Variants in HMGA2 observed in about 807,000 individuals in gnomAD.
The protein encoded by HMGA2 is high mobility group protein HMGI-C.
Under a neutral mutation model 19.1 loss-of-function variants are expected in HMGA2, and 8 were observed. That is an observed-to-expected ratio of 0.42 (90% CI 0.25 to 0.76). The LOEUF is 0.76. Ranked by LOEUF, HMGA2 falls within the 30% of genes least tolerant of loss-of-function variation. The pLI is 0.28. For synonymous variants in HMGA2, 60 were observed against 48.8 expected, an observed-to-expected ratio of 1.23 and a Z score of -0.96; for missense variants, 109 against 136.3, an observed-to-expected ratio of 0.80 and a Z score of 1.00.
chr12:65,935,213 C>A (rs1875850411), intron 3 of HMGA2: 1 of 152,184 alleles, frequency 6.6e-6, no homozygotes. Context: ...TGATGTCAAA[C>A]AATAGGTTGA....
intron 3 of HMGA2, among the ~76,000 whole-genome samples, chr12:65,875,715 G>A (rs185337348): frequency 6.7e-6 from 1 of 148,450 alleles, no homozygotes; most frequent in African/African-American, 2.5e-5. Flanking sequence ...CCTTCCAAGG[G>A]GCTGGGATTA....
intron 3 of HMGA2, among the ~76,000 whole-genome samples, chr12:65,899,198 G>A (rs1279619880): frequency 6.6e-6 from 1 of 152,046 alleles, no homozygotes; most frequent in African/African-American, 2.4e-5. Flanking sequence ...TTTATAACTC[G>A]TGCTTCCGAA....
chr12:65,878,256 A>G (rs186739565), intron 3 of HMGA2, among the ~76,000 whole-genome samples: 8 of 152,344 alleles, frequency 5.3e-5, no homozygotes, highest in East Asian at 3.9e-4. Context: ...GTTATAACAT[A>G]CTTGACTTTC....
intron 3 of HMGA2, among the ~76,000 whole-genome samples, chr12:65,875,599 T>TTTTTTTTTTTTTTTTA: frequency 1.5e-5 from 1 of 66,838 alleles, no homozygotes; most frequent in Non-Finnish European, 2.6e-5. Flanking sequence ...ATTTTTTTTT[T>TTTTTTTTTTTTTTTTA]TTTTTTTTTT....
At chr12:65,883,179 AAAG>A (rs1873509656) in intron 3 of HMGA2, among the ~76,000 whole-genome samples, 1 of 152,248 alleles carries the variant, frequency 6.6e-6, no homozygotes, top group Non-Finnish European at 1.5e-5. Context: ...TCTAGGGGTG[AAAG>A]AAGAGGAAAG....
chr12:65,938,839 C>CT (rs1046266322), intron 3 of HMGA2, among the ~76,000 whole-genome samples: 1 of 151,708 alleles, frequency 6.6e-6, no homozygotes, highest in African/African-American at 2.4e-5. Context: ...GATTTTTGTA[C>CT]TTTTTTTTAG....
Position 65,885,520 on chromosome 12 carries a change from A to G in HMGA2, c.249+46951A>G, listed in dbSNP as rs546857717. Reference sequence around the variant, plus strand: ...CATTTGGCAAACCCGGTGATTTGCCACATGAGCCAATGTGTGTCTCATTTG... The same window carrying G: ...CATTTGGCAAACCCGGTGATTTGCCGCATGAGCCAATGTGTGTCTCATTTG... On this transcript the variant is annotated intron_variant, in intron 3 of 4. Transcript: ENST00000403681. Among the ~76,000 whole-genome samples, 4 of 152,346 alleles carry G rather than the reference A, an allele frequency of 2.6e-5. No individual in the cohort carries two copies. The East Asian group carries it at 7.7e-4, about 29-fold the overall frequency.
chr12:65,958,244 G>T (rs572824493), intron 4 of HMGA2: 1 of 152,248 alleles, frequency 6.6e-6, no homozygotes, highest in Non-Finnish European at 1.5e-5. Context: ...ACAATTCTAT[G>T]TTTTTATATA....
At chr12:65,889,894 A>C (rs1186810019) in intron 3 of HMGA2, among the ~76,000 whole-genome samples, 2 of 152,092 alleles carry the variant, frequency 1.3e-5, no homozygotes, top group African/African-American at 4.8e-5. Context: ...ATTTCTCCCT[A>C]CATCCTAGCC....
intron 3 of HMGA2, among the ~76,000 whole-genome samples, chr12:65,908,854 T>G (rs1241035248): frequency 2.0e-5 from 3 of 152,206 alleles, no homozygotes; most frequent in African/African-American, 7.2e-5. Flanking sequence ...CTTTTTTTGT[T>G]ACAAAACTCT....
chr12:65,941,379 G>T (rs781009601), intron 3 of HMGA2, among the ~76,000 whole-genome samples: 3 of 152,160 alleles, frequency 2.0e-5, no homozygotes, highest in East Asian at 3.9e-4. Flanking sequence ...GTAGCAGAAA[G>T]AACTCACTTC....
chr12:65,887,745 T>G (rs1051071239), intron 3 of HMGA2, among the ~76,000 whole-genome samples: 3 of 152,050 alleles, frequency 2.0e-5, no homozygotes, highest in African/African-American at 7.2e-5. Context: ...TTTAAAAATC[T>G]TAAAGAACAA....
intron 3 of HMGA2, among the ~76,000 whole-genome samples, chr12:65,840,878 T>G (rs1016226797): frequency 6.6e-6 from 1 of 152,132 alleles, no homozygotes; most frequent in Non-Finnish European, 1.5e-5. Context: ...CTCCATCATA[T>G]GGGGCCTCTT....
intron 3 of HMGA2, among the ~76,000 whole-genome samples, chr12:65,889,741 T>A (rs1401360322): frequency 6.6e-6 from 1 of 152,206 alleles, no homozygotes; most frequent in African/African-American, 2.4e-5. Flanking sequence ...CTCAGTGCGG[T>A]AGACTCTGTT....
At chr12:65,848,274 G>T (rs1871309192) in intron 3 of HMGA2, among the ~76,000 whole-genome samples, 1 of 152,142 alleles carries the variant, frequency 6.6e-6, no homozygotes, top group African/African-American at 2.4e-5. Context: ...ATTTTCTAAG[G>T]TAGTTTCTCT....
chr12:65,852,374 G>A (rs1041203396), intron 3 of HMGA2, among the ~76,000 whole-genome samples: 2 of 152,012 alleles, frequency 1.3e-5, no homozygotes, highest in Non-Finnish European at 2.9e-5. Context: ...ATGGTGGCGC[G>A]CTGCTGTAAT....
intron 3 of HMGA2, among the ~76,000 whole-genome samples, chr12:65,888,056 C>A (rs947111332): frequency 2.6e-5 from 4 of 152,086 alleles, no homozygotes; most frequent in African/African-American, 9.7e-5. Flanking sequence ...ACACAAACCC[C>A]CTAGCCATTG....
intron 3 of HMGA2, among the ~76,000 whole-genome samples, chr12:65,878,423 C>A (rs903699441): frequency 2.6e-5 from 4 of 152,190 alleles, no homozygotes; most frequent in Middle Eastern, 3.2e-3. Context: ...AACTGTATAG[C>A]AATTGCAGGA....
rs905996370 is a variant in HMGA2, at chr12:65,825,114, G to C, written c.-157G>C. The C allele has an allele frequency of 1.8e-6, 1 of 546,520 alleles. No individual in the cohort carries two copies. The highest frequency in any genetic ancestry group is 3.1e-6 in the Non-Finnish European group (1 of 320,120). The allele number at this position is 546,520 out of a possible 1,614,324, so 33.9% of individuals were successfully genotyped here. On this transcript the variant is annotated 5_prime_UTR_variant, in exon 1 of 5. Coordinates refer to ENST00000403681, the MANE Select transcript of HMGA2 (RefSeq NM_003483.6). This position sits in a 1 kb window ranked among gnomAD's most constrained non-coding sequence, Gnocchi z 4.4. ...GTCCGGTGTTGATGGTGGCAGCGGC[G>C]GCAGCCTAAGCAACAGCAGCCCTCG...
Sources: allele counts gnomAD v4.1 joint callset (sites outside exome capture counted in the v4.1 genomes callset), GRCh38; gene constraint gnomAD v4.1.1; non-coding constraint Gnocchi (gnomAD v3.1); transcripts MANE v1.5; gene names NCBI Gene and HGNC (gene_info 2026-07-23, HGNC 2026-07-21).